AUTS2: variants seen among roughly 807,000 people sequenced by gnomAD.
AUTS2 encodes the protein activator of transcription and developmental regulator AUTS2.
A neutral mutation model predicts 112.4 loss-of-function variants in AUTS2; 17 were observed. The observed-to-expected ratio is 0.15, with a 90% confidence interval of 0.10 to 0.23. The LOEUF is 0.23. Among genes scored for constraint, AUTS2 ranks in the 10% least tolerant of loss-of-function variants. The probability of loss-of-function intolerance (pLI) is 1.00; values close to 1 mark genes in which losing one functional copy is unlikely to be tolerated. For missense variants in AUTS2, 1,510 were observed against 1,701.6 expected, an observed-to-expected ratio of 0.89 and a Z score of 1.98; for synonymous variants, 751 against 702.7, an observed-to-expected ratio of 1.07 and a Z score of -1.09.
intron 2 of AUTS2, among the ~76,000 whole-genome samples, chr7:70,117,834 C>T (rs1001791214): frequency 6.6e-6 from 1 of 151,912 alleles, no homozygotes; most frequent in South Asian, 2.1e-4. Context: ...CTGCAACCTC[C>T]GCCTCCCAGG....
intron 1 of AUTS2, among the ~76,000 whole-genome samples, chr7:69,614,588 G>C (rs1414078212): frequency 6.6e-6 from 1 of 151,802 alleles, no homozygotes; most frequent in Non-Finnish European, 1.5e-5. Flanking sequence ...GGGCTCAAGT[G>C]ATCCTCCTGC....
chr7:69,731,395 T>A (rs1786784656), intron 1 of AUTS2, among the ~76,000 whole-genome samples: 1 of 152,194 alleles, frequency 6.6e-6, no homozygotes, highest in Non-Finnish European at 1.5e-5. Context: ...GTGAGTAATT[T>A]TAGCTCTCTA....
chr7:70,695,594 G>T (rs1809043973), intron 5 of AUTS2, among the ~76,000 whole-genome samples: 1 of 152,214 alleles, frequency 6.6e-6, no homozygotes, highest in Non-Finnish European at 1.5e-5. Context: ...CGGCCCCCGG[G>T]GTCTGCGTCC....
At chr7:70,609,420 A>T (rs1344816131) in intron 5 of AUTS2, among the ~76,000 whole-genome samples, 1 of 132,598 alleles carries the variant, frequency 7.5e-6, no homozygotes, top group Admixed American at 8.0e-5. Flanking sequence ...TCCGAGACAG[A>T]GTCTCACTCT....
chr7:69,979,507 A>G (rs923594912), intron 2 of AUTS2, among the ~76,000 whole-genome samples: 2 of 152,258 alleles, frequency 1.3e-5, no homozygotes, highest in Non-Finnish European at 1.5e-5. Flanking sequence ...AAGTTAGTAC[A>G]AGGAGGTAAA....
intron 4 of AUTS2, among the ~76,000 whole-genome samples, chr7:70,146,920 A>G (rs996518607): frequency 3.3e-5 from 5 of 152,208 alleles, no homozygotes; most frequent in Admixed American, 2.6e-4. Flanking sequence ...TTTGGAGCAG[A>G]GACACAATTT....
chr7:70,325,204 A>G (rs1790430791), intron 4 of AUTS2, among the ~76,000 whole-genome samples: 2 of 152,052 alleles, frequency 1.3e-5, no homozygotes, highest in African/African-American at 4.8e-5. Flanking sequence ...CACACCTGTA[A>G]TCCCAGCTCT....
chr7:70,791,467 A>AAAT lies in AUTS2; in HGVS notation c.*473_*475dup, dbSNP rs1223345787. 1.3e-5 allele frequency: 2 copies of AAAT among 154,664 alleles called. No individual in the cohort carries two copies. Among genetic ancestry groups the AAAT allele is most frequent in the African/African-American group, 4.8e-5 (2 of 41,528 alleles). 9.6% of individuals were successfully genotyped at this position (154,664 alleles called of 1,614,324 possible). A position where few individuals can be genotyped will look rare whatever the true frequency, so the allele number is the denominator to read the frequency against. On this transcript the variant is annotated 3_prime_UTR_variant, in exon 19 of 19. Coordinates refer to ENST00000342771, the MANE Select transcript of AUTS2 (RefSeq NM_015570.4). ...TGAAAGCTTTACTTTGTACAAATGT[A>AAAT]AATAGATAAAGTAACATAATACATT...
chr7:69,914,445 A>G (rs2129542170), intron 2 of AUTS2, among the ~76,000 whole-genome samples: 1 of 151,218 alleles, frequency 6.6e-6, no homozygotes, highest in African/African-American at 2.4e-5. Context: ...CTCTCTGGGG[A>G]TATGCAATGT....
intron 1 of AUTS2, among the ~76,000 whole-genome samples, chr7:69,731,114 A>G (rs1404793385): frequency 6.6e-6 from 1 of 152,182 alleles, no homozygotes; most frequent in Non-Finnish European, 1.5e-5. Context: ...CAACATGCCG[A>G]AACCCTGTCT....
At chr7:70,426,518 C>T (rs1333462542) in intron 4 of AUTS2, among the ~76,000 whole-genome samples, 1 of 152,144 alleles carries the variant, frequency 6.6e-6, no homozygotes, top group African/African-American at 2.4e-5. Context: ...ATTTCTTTCC[C>T]TCCGCTCACT....
intron 6 of AUTS2, among the ~76,000 whole-genome samples, chr7:70,753,939 G>A (rs897236346): frequency 2.6e-5 from 4 of 151,110 alleles, no homozygotes; most frequent in East Asian, 4.0e-4. Context: ...GGTGGATCAC[G>A]AGGTCAGGAG....
intron 4 of AUTS2, among the ~76,000 whole-genome samples, chr7:70,284,158 A>AT (rs1362883903): frequency 7.2e-5 from 11 of 152,218 alleles, no homozygotes; most frequent in African/African-American, 2.7e-4. Flanking sequence ...ACAATAAATT[A>AT]TGGCGATTTT....
chr7:69,960,421 T>A lies in AUTS2; in HGVS notation c.522+60923T>A, dbSNP rs549918583. Among the ~76,000 whole-genome samples the A allele has an allele frequency of 3.9e-5, 6 of 152,276 alleles. No homozygotes were observed. The East Asian group carries it at 9.6e-4, about 24-fold the overall frequency. On this transcript the variant is annotated intron_variant, in intron 2 of 18. Transcript: ENST00000342771. ...GAAGCAAGCTAGTAGTCAATGAATA[T>A]TAAAGAACAAAACCTCATTTTAAAA...
intron 1 of AUTS2, among the ~76,000 whole-genome samples, chr7:69,762,362 A>G (rs1474538460): frequency 4.1e-5 from 5 of 121,064 alleles, no homozygotes; most frequent in African/African-American, 9.7e-5. Flanking sequence ...GTTGGAGTGC[A>G]ATGGCACTAT....
intron 1 of AUTS2, among the ~76,000 whole-genome samples, chr7:69,717,385 G>T (rs945518596): frequency 2.4e-4 from 36 of 152,208 alleles, no homozygotes; most frequent in African/African-American, 8.7e-4. Context: ...CTGGGTGTGG[G>T]CATTAGAGAG....
rs147748178 is a variant in AUTS2 at position 70,136,508 on chromosome 7, A to G, written c.660+1937A>G. ...AATAATTTCAGATACTAACTTCCACACTGGTGAGTTTCATACTTCTAAGTG... is the reference window on the plus strand; with the variant it reads ...AATAATTTCAGATACTAACTTCCACGCTGGTGAGTTTCATACTTCTAAGTG... On this transcript the variant is annotated intron_variant, in intron 4 of 18. Coordinates refer to ENST00000342771, the MANE Select transcript of AUTS2 (RefSeq NM_015570.4). Among the ~76,000 whole-genome samples the G allele has an allele frequency of 4.5e-3, 691 of 152,270 alleles. 10 individuals carry two copies. The highest frequency in any genetic ancestry group is 0.016 in the African/African-American group (648 of 41,562).
At chr7:69,809,788 A>G (rs1014951122) in intron 1 of AUTS2, among the ~76,000 whole-genome samples, 10 of 152,150 alleles carry the variant, frequency 6.6e-5, no homozygotes, top group African/African-American at 1.9e-4. Context: ...CTTGTAACCA[A>G]TCAATACCAC....
intron 5 of AUTS2, among the ~76,000 whole-genome samples, chr7:70,476,303 A>T (rs1797580031): frequency 6.6e-6 from 1 of 152,042 alleles, no homozygotes; most frequent in South Asian, 2.1e-4. Flanking sequence ...CCCTCACGTG[A>T]GGCTCACCCT....
Sources: allele counts gnomAD v4.1 joint callset (sites outside exome capture counted in the v4.1 genomes callset), GRCh38; gene constraint gnomAD v4.1.1; transcripts MANE v1.5; gene names NCBI Gene and HGNC (gene_info 2026-07-23, HGNC 2026-07-21).